The following WDR62 variants were observed in gnomAD, a reference collection of about 807,000 sequenced individuals.
The protein encoded by WDR62 is WD repeat domain 62.
A neutral mutation model predicts 160.6 loss-of-function variants in WDR62; 112 were observed. The observed-to-expected ratio is 0.70, with a 90% CI of 0.60 to 0.82. The LOEUF (loss-of-function observed/expected upper bound fraction) is 0.82. Ranked by LOEUF, WDR62 falls within the 40% of genes least tolerant of loss-of-function variation. WDR62 has a pLI of 0.00. For missense variants in WDR62, 1,819 were observed against 1,983.8 expected (o/e 0.92, Z 1.58); for synonymous variants, 792 against 815.1 (o/e 0.97, Z 0.48).
intron 7 of WDR62, chr19:36,070,926 G>A (rs138145289): frequency 3.2e-5 from 5 of 153,946 alleles, no homozygotes; most frequent in African/African-American, 1.2e-4. Context: ...TAAGCCTAAA[G>A]GCTGGGCGCG....
chr19:36,091,357 CCT>C (rs1483709764), intron 17 of WDR62, 43 bp from the exon 18 acceptor site: 7 of 1,605,226 alleles, frequency 4.4e-6, no homozygotes, highest in South Asian at 2.2e-5. Context: ...CCGCCCACAC[CCT>C]CTGACTCCGA....
chr19:36,110,123 A>G, the WDR62 span, among the ~76,000 whole-genome samples: 1 of 151,958 alleles, frequency 6.6e-6, no homozygotes, highest in Admixed American at 6.6e-5. Context: ...CAAGTGTAAA[A>G]CAGCTTGGCC....
At chr19:36,065,854 G>T in intron 3 of WDR62, 104 bp from the exon 4 acceptor site, 1 of 1,146,652 alleles carries the variant, frequency 8.7e-7, no homozygotes. Context: ...CTCTTCCGAG[G>T]CTTGGGAGGC....
chr19:36,099,260 G>A (rs554998539), intron 21 of WDR62, 139 bp from the exon 22 acceptor site: 47 of 654,638 alleles, frequency 7.2e-5, no homozygotes, highest in African/African-American at 3.5e-4. Context: ...AAAGGTTCAC[G>A]CTGGAGATAT....
At position 36,099,395 on chromosome 19, in the gene WDR62, C is replaced by T. The variant is rs1457291971; in HGVS notation, c.2521-4C>T. 6.8e-6 allele frequency: 11 copies of T among 1,612,914 alleles called. No homozygotes were observed. The highest frequency in any genetic ancestry group is 1.1e-5 in the South Asian group (1 of 91,064). Reference sequence around the variant, plus strand: ...AGTTGCCTGACTGTCCGATATCCTTCAAGCTAGGGGACGATGATGTGGCAG... The same window carrying T: ...AGTTGCCTGACTGTCCGATATCCTTTAAGCTAGGGGACGATGATGTGGCAG... On this transcript the variant is annotated splice_polypyrimidine_tract_variant and splice_region_variant and intron_variant, in intron 21 of 31. Transcript: ENST00000401500.
Position 36,068,001 on chromosome 19 carries a change from C to T in WDR62, c.873C>T (p.Ile291=). The T allele has an allele frequency of 6.2e-7, 1 of 1,613,714 alleles. No individual in the cohort carries two copies. The highest frequency in any genetic ancestry group is 8.5e-7 in the Non-Finnish European group (1 of 1,179,806). ...AGAAGAGGGTGCTGGAGAAGTGGAT[C>T]AACCTGAAGGTACCACCTCCCTCTC... ...FNEKRVLEKW[I]NLKVSLSSCL... is the part of the protein sequence containing the mutation. The change falls in exon 7 of 32, where the codon ATC becomes ATT. Residue 291 remains isoleucine (I), a synonymous_variant. Coordinates refer to ENST00000401500, the MANE Select transcript of WDR62 (RefSeq NM_001083961.2).
intron 1 of WDR62, among the ~76,000 whole-genome samples, chr19:36,058,027 G>C (rs533051156): frequency 1.3e-5 from 2 of 152,176 alleles, no homozygotes; most frequent in Non-Finnish European, 1.5e-5. Context: ...TTCGTGGCTT[G>C]TTGGGAGGAT....
In WDR62 at chr19:36,083,182, C is replaced by A. The variant is rs1383096769; in HGVS notation, c.1491C>A (p.Val497=). Residue 497 remains valine, a synonymous_variant, in exon 11 of 32, where the codon GTC becomes GTA. Coordinates refer to ENST00000401500, the MANE Select transcript of WDR62 (RefSeq NM_001083961.2). Reference sequence around the variant, plus strand: ...TGGACGTGAAAGCCGGGGTGCGGGTCATGCAGGTCAGTCCTGACGGCCAGC... The same window carrying A: ...TGGACGTGAAAGCCGGGGTGCGGGTAATGCAGGTCAGTCCTGACGGCCAGC... ...TPMDVKAGVR[V]MQVSPDGQHL... is the part of the protein sequence containing the mutation. 1 of 1,611,796 alleles carries A rather than the reference C, an allele frequency of 6.2e-7. No homozygotes were observed. The highest frequency in any genetic ancestry group is 1.7e-5 in the Admixed American group (1 of 59,734).
At position 36,055,017 on chromosome 19, in the gene WDR62, G is replaced by T; in HGVS notation, c.46G>T (p.Glu16Ter). Residue 16 changes from glutamate to a stop codon, truncating the protein, a stop_gained, in exon 1 of 32, where the codon GAG becomes TAG. Transcript: ENST00000401500. LOFTEE classifies it high-confidence loss of function. ...SGGYARNDAG[E>*]KLPSVMAGVP... is the part of the protein sequence containing the mutation. Reference sequence around the variant, plus strand: ...AGGCTATGCGCGGAACGATGCAGGGGAGAAGCTGCCCTCTGTCATGGCGGG... The same window carrying T: ...AGGCTATGCGCGGAACGATGCAGGGTAGAAGCTGCCCTCTGTCATGGCGGG... 6.2e-7 allele frequency: 1 copy of T among 1,608,486 alleles called. No individual in the cohort carries two copies.
At chr19:36,096,043 G>T (rs1054872847) in intron 20 of WDR62, among the ~76,000 whole-genome samples, 4 of 152,216 alleles carry the variant, frequency 2.6e-5, no homozygotes, top group Non-Finnish European at 5.9e-5. Context: ...CCAGGAGAGA[G>T]TCTGAGGAGT....
intron 24 of WDR62, 162 bp downstream of exon 24, chr19:36,101,479 T>C (rs1973333256): frequency 2.4e-6 from 2 of 818,074 alleles, no homozygotes; most frequent in Non-Finnish European, 4.1e-6. Flanking sequence ...CCCAGCTGCC[T>C]ACAGCTGAGA....
intron 19 of WDR62, 144 bp downstream of exon 19, chr19:36,092,955 GA>G: frequency 8.2e-7 from 1 of 1,221,090 alleles, no homozygotes; most frequent in East Asian, 2.4e-5. Flanking sequence ...GACAGACTTT[GA>G]ATATGCAGTT....
chr19:36,074,125 G>T (rs1425095479), intron 9 of WDR62: 1 of 219,102 alleles, frequency 4.6e-6, no homozygotes, highest in Non-Finnish European at 9.3e-6. Flanking sequence ...ACAAGACCCT[G>T]TCTCTACAAA....
At chr19:36,086,864 A>G (rs1329765603) in intron 13 of WDR62, 52 bp downstream of exon 13, 3 of 1,589,050 alleles carry the variant, frequency 1.9e-6, no homozygotes, top group African/African-American at 1.3e-5. Context: ...CCTGCTAAAA[A>G]AGGATTCATT....
At position 36,103,543 on chromosome 19, in the gene WDR62, G is replaced by C. The variant is rs777302270; in HGVS notation, c.3715G>C (p.Gly1239Arg). ...SRSISLGDSE[G>R]PIVATLAQPL... is the part of the protein sequence containing the mutation. Reference sequence around the variant, plus strand: ...CAGCATCTCCCTCGGTGACAGTGAGGGCCCTATCGTGGCCACACTGGCCCA... The same window carrying C: ...CAGCATCTCCCTCGGTGACAGTGAGCGCCCTATCGTGGCCACACTGGCCCA... The change falls in exon 30 of 32, where the codon GGC becomes CGC. Residue 1239 changes from glycine (G) to arginine (R), a missense_variant. Physicochemically the swap from Gly to Arg is moderately radical, Grantham distance 125 (BLOSUM62 -2). Transcript: ENST00000401500. 17 of 1,613,920 alleles carry C rather than the reference G, an allele frequency of 1.1e-5. No individual in the cohort carries two copies. In the Admixed American group the frequency reaches 2.8e-4, roughly 27 times the overall value.
rs987298348 is a variant in WDR62, at chr19:36,068,791, A to C, written c.882+781A>C. 2.0e-5 allele frequency among the ~76,000 whole-genome samples: 3 copies of C among 152,178 alleles called. No homozygotes were observed. In the South Asian group the frequency reaches 6.2e-4, roughly 32 times the overall value. On this transcript the variant is annotated intron_variant, in intron 7 of 31. Transcript: ENST00000401500. ...GACACAGCAACAATCTGATTTCTCT[A>C]TCTTTTCCCCACCTTTCCCCCTTTT...
At chr19:36,072,224 T>C (rs2023866) in intron 8 of WDR62, among the ~76,000 whole-genome samples, 102,727 of 152,098 alleles carry the variant, frequency 0.68, 35,276 homozygotes, top group East Asian at 0.79. Flanking sequence ...GGAGAGTGAC[T>C]GGGGTGGGCT....
chr19:36,090,824 C>T (rs920748467), intron 16 of WDR62, among the ~76,000 whole-genome samples: 21 of 152,172 alleles, frequency 1.4e-4, no homozygotes, highest in African/African-American at 5.1e-4. Flanking sequence ...ACACCAGCCA[C>T]GGGTCACTCA....
intron 13 of WDR62, among the ~76,000 whole-genome samples, chr19:36,087,706 C>G (rs1359153470): frequency 1.3e-5 from 2 of 152,088 alleles, no homozygotes; most frequent in Admixed American, 1.3e-4. Flanking sequence ...GTAATCCCAG[C>G]TACTTGGGAG....
Sources: allele counts gnomAD v4.1 joint callset (sites outside exome capture counted in the v4.1 genomes callset), GRCh38; gene constraint gnomAD v4.1.1; transcripts MANE v1.5; gene names NCBI Gene and HGNC (gene_info 2026-07-23, HGNC 2026-07-21).